SLC25A21: variants seen among roughly 807,000 people sequenced by gnomAD.
SLC25A21 encodes solute carrier family 25 member 21, also known as mitochondrial 2-oxodicarboxylate carrier.
SLC25A21 carries 47 observed loss-of-function variants against 43.8 expected under a neutral mutation model. The observed-to-expected ratio is 1.07, with a 90% CI of 0.85 to 1.37. The LOEUF is 1.37. SLC25A21 is among the 40% of genes most tolerant of loss of function. The pLI is 0.00. For synonymous variants in SLC25A21, 131 were observed against 121.3 expected, an observed-to-expected ratio of 1.08 and a Z score of -0.52; for missense variants, 352 against 350.2, an observed-to-expected ratio of 1.00 and a Z score of -0.04.
chr14:36,740,369 G>C (rs118019039), intron 3 of SLC25A21, among the ~76,000 whole-genome samples: 2,152 of 152,122 alleles, frequency 0.014, 19 homozygotes, highest in Non-Finnish European at 0.023. Flanking sequence ...ATATGAGGAG[G>C]GGGTACCAGG....
intron 3 of SLC25A21, among the ~76,000 whole-genome samples, chr14:36,773,265 T>G (rs1202922190): frequency 1.3e-5 from 2 of 152,244 alleles, no homozygotes; most frequent in Non-Finnish European, 2.9e-5. Flanking sequence ...CTGTGAGTGA[T>G]GAGTCAGACC....
chr14:37,102,195 C>A (rs1962828908), intron 1 of SLC25A21, among the ~76,000 whole-genome samples: 1 of 152,110 alleles, frequency 6.6e-6, no homozygotes, highest in African/African-American at 2.4e-5. Flanking sequence ...AATCCCAACA[C>A]TTTGGAAAGC....
At chr14:36,704,006 T>A (rs1346419329) in intron 7 of SLC25A21, among the ~76,000 whole-genome samples, 1 of 152,200 alleles carries the variant, frequency 6.6e-6, no homozygotes, top group East Asian at 1.9e-4. Flanking sequence ...AAGATGTAAA[T>A]GAATGCCTCC....
intron 1 of SLC25A21, among the ~76,000 whole-genome samples, chr14:36,903,717 A>G (rs1891460069): frequency 6.6e-6 from 1 of 151,950 alleles, no homozygotes; most frequent in Admixed American, 6.6e-5. Flanking sequence ...TTGATAAACT[A>G]AAATAAACAT....
At chr14:36,845,672 A>AT (rs1307904960) in intron 2 of SLC25A21, among the ~76,000 whole-genome samples, 1 of 152,178 alleles carries the variant, frequency 6.6e-6, no homozygotes, top group Non-Finnish European at 1.5e-5. Context: ...ACAAACTATC[A>AT]TTTTTGCCTC....
At chr14:36,763,774 T>TAATCCGAGCACTTTAGGAGGCCG (rs1456118299) in intron 3 of SLC25A21, among the ~76,000 whole-genome samples, 8 of 151,754 alleles carry the variant, frequency 5.3e-5, no homozygotes, top group Non-Finnish European at 1.0e-4. Flanking sequence ...CTCATGCCTG[T>TAATCCGAGCACTTTAGGAGGCCG]AATCCGAGCA....
At chr14:36,955,727 TTG>T (rs1199220419) in intron 1 of SLC25A21, among the ~76,000 whole-genome samples, 1 of 127,862 alleles carries the variant, frequency 7.8e-6, no homozygotes, top group Non-Finnish European at 1.8e-5. Flanking sequence ...AGGCCTAAGG[TTG>T]TTTTTTTTTG....
At chr14:36,889,713 A>G (rs890337850) in intron 1 of SLC25A21, among the ~76,000 whole-genome samples, 2 of 151,914 alleles carry the variant, frequency 1.3e-5, no homozygotes, top group African/African-American at 4.8e-5. Flanking sequence ...GGCTGGTCTC[A>G]AACTCCTCCT....
intron 7 of SLC25A21, among the ~76,000 whole-genome samples, chr14:36,690,634 G>C (rs1882758449): frequency 6.6e-6 from 1 of 152,198 alleles, no homozygotes; most frequent in Non-Finnish European, 1.5e-5. Flanking sequence ...ATGGTCCAGA[G>C]AGGGGACTGG....
chr14:37,120,436 T>C (rs930420547), intron 1 of SLC25A21, among the ~76,000 whole-genome samples: 1 of 152,242 alleles, frequency 6.6e-6, no homozygotes, highest in Non-Finnish European at 1.5e-5. Context: ...ACTTACTTCA[T>C]GTTCATCAAT....
chr14:36,987,913 G>T (rs1316773750), intron 1 of SLC25A21, among the ~76,000 whole-genome samples: 3 of 152,130 alleles, frequency 2.0e-5, no homozygotes, highest in Non-Finnish European at 4.4e-5. Context: ...ATATGGGCTT[G>T]GCCATTCTCA....
chr14:36,830,461 A>C (rs1888996397), intron 2 of SLC25A21, among the ~76,000 whole-genome samples: 1 of 151,900 alleles, frequency 6.6e-6, no homozygotes, highest in East Asian at 1.9e-4. Context: ...CCATTTTAAG[A>C]GCTTTTTTTT....
chr14:36,689,304 G>A (rs530064999), intron 7 of SLC25A21, among the ~76,000 whole-genome samples: 5 of 152,264 alleles, frequency 3.3e-5, no homozygotes, highest in African/African-American at 9.6e-5. Flanking sequence ...ATCTCCCACT[G>A]GGTCCCTCCT....
At chr14:36,966,192 C>A (rs1478981394) in intron 1 of SLC25A21, among the ~76,000 whole-genome samples, 1 of 152,162 alleles carries the variant, frequency 6.6e-6, no homozygotes, top group Non-Finnish European at 1.5e-5. Context: ...TAGCTTCTCT[C>A]TTCCCTCTGC....
At chr14:37,007,597 CAAAAAT>C (rs1038854214) in intron 1 of SLC25A21, among the ~76,000 whole-genome samples, 7 of 98,282 alleles carry the variant, frequency 7.1e-5, no homozygotes, top group African/African-American at 4.7e-4. Context: ...GACTCCCTCT[CAAAAAT>C]AATAATAATA....
chr14:36,964,738 TC>T (rs1959574460), intron 1 of SLC25A21, among the ~76,000 whole-genome samples: 1 of 152,148 alleles, frequency 6.6e-6, no homozygotes, highest in African/African-American at 2.4e-5. Context: ...ATAATCCCAG[TC>T]CGTGTACTCA....
intron 7 of SLC25A21, among the ~76,000 whole-genome samples, chr14:36,696,836 T>C (rs981696864): frequency 2.6e-5 from 4 of 152,218 alleles, no homozygotes; most frequent in African/African-American, 7.2e-5. Flanking sequence ...TACATCTATT[T>C]TGTTGATCTT....
chr14:36,780,902 TC>T (rs1405560787), intron 3 of SLC25A21, among the ~76,000 whole-genome samples: 1 of 152,152 alleles, frequency 6.6e-6, no homozygotes, highest in African/African-American at 2.4e-5. Flanking sequence ...GGATGATCTA[TC>T]CATTGTTGCA....
intron 1 of SLC25A21, among the ~76,000 whole-genome samples, chr14:37,099,674 G>A (rs959008760): frequency 1.3e-5 from 2 of 152,004 alleles, no homozygotes; most frequent in African/African-American, 4.8e-5. Flanking sequence ...GAATAAGAAT[G>A]TTAGTTACTA....
Sources: allele counts gnomAD v4.1 joint callset (sites outside exome capture counted in the v4.1 genomes callset), GRCh38; gene constraint gnomAD v4.1.1; transcripts MANE v1.5; gene names NCBI Gene and HGNC (gene_info 2026-07-23, HGNC 2026-07-21).